TCF20: variants seen among roughly 807,000 people sequenced by gnomAD.
TCF20 encodes transcription factor 20, also known as SPRE-binding protein.
Under a neutral mutation model 148.6 loss-of-function variants are expected in TCF20, and 3 were observed. That is an observed-to-expected ratio of 0.02 (90% confidence interval 0.01 to 0.05). TCF20 has a LOEUF of 0.05. Among genes scored for constraint, TCF20 ranks in the 10% least tolerant of loss-of-function variants. TCF20 has a pLI of 1.00. For missense variants in TCF20, 2,350 were observed against 2,429.3 expected (o/e 0.97, Z 0.69); for synonymous variants, 1,049 against 909.5 (o/e 1.15, Z -2.76).
intron 1 of TCF20, among the ~76,000 whole-genome samples, chr22:42,289,128 G>A (rs535786559): frequency 1.3e-5 from 2 of 152,332 alleles, no homozygotes; most frequent in East Asian, 1.9e-4. Flanking sequence ...ATCACCACCA[G>A]TTTCACCTGG....
intron 1 of TCF20, among the ~76,000 whole-genome samples, chr22:42,237,971 G>C (rs1924031055): frequency 6.6e-6 from 1 of 152,180 alleles, no homozygotes; most frequent in Non-Finnish European, 1.5e-5. Flanking sequence ...AATGGTAAAT[G>C]AGCACTGGCA....
intron 1 of TCF20, among the ~76,000 whole-genome samples, chr22:42,221,912 G>C (rs985098673): frequency 4.0e-5 from 6 of 151,724 alleles, no homozygotes; most frequent in African/African-American, 1.2e-4. Flanking sequence ...CTGATTTTTT[G>C]TATTTTTAGT....
Position 42,262,327 on chromosome 22 carries a change from G to A in TCF20, c.-37+8012C>T, listed in dbSNP as rs376854277. On this transcript the variant is annotated intron_variant, in intron 1 of 5. Transcript: ENST00000677622. ...CAGATGAAAGAAGTTATCATCTTATGGAAATAGCACTGACAGTAACTTGAT... is the reference window on the plus strand; with the variant it reads ...CAGATGAAAGAAGTTATCATCTTATAGAAATAGCACTGACAGTAACTTGAT... Among the ~76,000 whole-genome samples the A allele has an allele frequency of 7.2e-5, 11 of 152,262 alleles. No individual in the cohort carries two copies. In the South Asian group the frequency reaches 1.7e-3, roughly 23 times the overall value.
intron 1 of TCF20, among the ~76,000 whole-genome samples, chr22:42,320,601 TCA>T (rs1927714849): frequency 6.6e-6 from 1 of 152,178 alleles, no homozygotes; most frequent in Admixed American, 6.5e-5. Context: ...TAGAACAAAG[TCA>T]GTTGCATTCC....
chr22:42,246,429 C>A (rs1924912271), intron 1 of TCF20, among the ~76,000 whole-genome samples: 1 of 152,174 alleles, frequency 6.6e-6, no homozygotes, highest in Non-Finnish European at 1.5e-5. Flanking sequence ...TAATTCTTTA[C>A]CTACATTGTT....
intron 1 of TCF20, among the ~76,000 whole-genome samples, chr22:42,283,307 G>A (rs901664838): frequency 3.3e-5 from 5 of 152,074 alleles, no homozygotes; most frequent in Admixed American, 6.6e-5. Context: ...GGGGGAGAGG[G>A]AGCAGCCAGC....
chr22:42,289,889 C>T (rs1485134112), intron 1 of TCF20, among the ~76,000 whole-genome samples: 1 of 152,214 alleles, frequency 6.6e-6, no homozygotes, highest in Non-Finnish European at 1.5e-5. Flanking sequence ...CAGAGCCCTG[C>T]GGACCCCGGA....
rs374225382 is a variant in TCF20 at position 42,214,520 on chromosome 22, G to C, written c.786C>G (p.Gly262=). 1 of 1,614,188 alleles carries C rather than the reference G, an allele frequency of 6.2e-7. No individual in the cohort carries two copies. Among genetic ancestry groups the C allele is most frequent in the Admixed American group, 1.7e-5 (1 of 60,018 alleles). The change falls in exon 2 of 6, where the codon GGC becomes GGG. Residue 262 remains glycine (G), a synonymous_variant. Transcript: ENST00000677622. ...GAGATCCAGCATTCACATTGTAACT[G>C]CCATCATAGCTCTGTCCAGACTGGC... ...RFSQSGQSYD[G]SYNVNAGSQY...
chr22:42,324,079 GTGGTGGTGGTGATGGAGGTTA>G (rs1927814427), intron 1 of TCF20, among the ~76,000 whole-genome samples: 2 of 141,550 alleles, frequency 1.4e-5, no homozygotes, highest in Admixed American at 1.4e-4. Context: ...TATGGTGGTG[GTGGTGGTGGTGATGGAGGTTA>G]TGGTGGTGGT....
At chr22:42,327,227 G>A (rs977765127) in intron 1 of TCF20, among the ~76,000 whole-genome samples, 1 of 152,206 alleles carries the variant, frequency 6.6e-6, no homozygotes, top group East Asian at 1.9e-4. Flanking sequence ...TGCCCTTGGC[G>A]CAGGAGCTAA....
At chr22:42,161,448 T>C in intron 5 of TCF20, 90 bp from the exon 6 acceptor site, 1 of 1,579,116 alleles carries the variant, frequency 6.3e-7, no homozygotes, top group Non-Finnish European at 8.7e-7. Context: ...CTGGGAGCTT[T>C]CAGCAGGGAG....
chr22:42,196,647 CAA>C (rs781078292), intron 2 of TCF20, among the ~76,000 whole-genome samples: 36 of 152,338 alleles, frequency 2.4e-4, no homozygotes, highest in Non-Finnish European at 4.7e-4. Context: ...TCACAGCTTT[CAA>C]AGTCTGGAAC....
intron 1 of TCF20, among the ~76,000 whole-genome samples, chr22:42,218,180 G>T (rs1921994887): frequency 6.6e-6 from 1 of 152,226 alleles, no homozygotes; most frequent in Non-Finnish European, 1.5e-5. Flanking sequence ...TGAGGAAACA[G>T]AAGCAGAGTT....
intron 3 of TCF20, among the ~76,000 whole-genome samples, chr22:42,172,445 G>A (rs1350799093): frequency 3.3e-5 from 5 of 152,324 alleles, no homozygotes; most frequent in East Asian, 1.9e-4. Flanking sequence ...TCCAGAGGGC[G>A]CAGTCAGCAC....
chr22:42,161,117 T>TC lies in TCF20; in HGVS notation c.*285dup. ...CACCCTTTCCCCATCATCCCACCCCTCCCCCCTCCCCCCACATTGTCACTA... is the reference window on the plus strand; with the variant it reads ...CACCCTTTCCCCATCATCCCACCCCTCCCCCCCTCCCCCCACATTGTCACTA... On this transcript the variant is annotated 3_prime_UTR_variant, in exon 6 of 6. Coordinates refer to ENST00000677622, the MANE Select transcript of TCF20 (RefSeq NM_001378418.1). 1.2e-5 allele frequency: 1 copy of TC among 81,200 alleles called. No homozygotes were observed. Among genetic ancestry groups the TC allele is most frequent in the South Asian group, 1.9e-4 (1 of 5,398 alleles). 5.0% of individuals were successfully genotyped at this position (81,200 alleles called of 1,614,324 possible).
chr22:42,232,959 C>T (rs554618936), intron 1 of TCF20, among the ~76,000 whole-genome samples: 7 of 152,164 alleles, frequency 4.6e-5, no homozygotes, highest in Non-Finnish European at 8.8e-5. Context: ...CTCCCTCTGT[C>T]GTCCAGGCTG....
At chr22:42,286,398 ACTTC>A (rs1262300057), upstream of TCF20, among the ~76,000 whole-genome samples, 1 of 152,192 alleles carries the variant, frequency 6.6e-6, no homozygotes, top group African/African-American at 2.4e-5. Context: ...TGGCTCCACC[ACTTC>A]CTTCCTGTGT....
At chr22:42,266,679 T>C (rs759312786) in intron 1 of TCF20, among the ~76,000 whole-genome samples, 4 of 152,216 alleles carry the variant, frequency 2.6e-5, no homozygotes, top group Non-Finnish European at 5.9e-5. Flanking sequence ...TTCGGGAGGC[T>C]GAGGCAGGGG....
intron 2 of TCF20, among the ~76,000 whole-genome samples, chr22:42,192,935 C>CA: frequency 6.6e-6 from 1 of 152,328 alleles, no homozygotes; most frequent in East Asian, 1.9e-4. Flanking sequence ...CCACCTGCAC[C>CA]AGCATGGTCC....
Sources: allele counts gnomAD v4.1 joint callset (sites outside exome capture counted in the v4.1 genomes callset), GRCh38; gene constraint gnomAD v4.1.1; transcripts MANE v1.5; gene names NCBI Gene and HGNC (gene_info 2026-07-23, HGNC 2026-07-21).